The following WBP11 variants were observed in gnomAD, a reference collection of about 807,000 sequenced individuals.
WBP11 encodes the protein WW domain-binding protein 11.
Under a neutral mutation model 66.7 loss-of-function variants are expected in WBP11, and 12 were observed. The ratio of observed to expected loss-of-function variants is 0.18; its 90% CI spans 0.12 to 0.29. WBP11 has a LOEUF of 0.29. WBP11 is among the 10% of genes least tolerant of loss of function. WBP11 has a pLI of 1.00. For missense variants in WBP11, 555 were observed against 818.3 expected, an observed-to-expected ratio of 0.68 and a Z score of 3.93; for synonymous variants, 255 against 273.8, an observed-to-expected ratio of 0.93 and a Z score of 0.68.
intron 11 of WBP11, 117 bp downstream of exon 11, chr12:14,788,834 C>G (rs1949786862): frequency 1.6e-5 from 9 of 558,752 alleles, no homozygotes; most frequent in Non-Finnish European, 2.3e-5. Context: ...AACTTAAAAA[C>G]CACCACTGAC....
chr12:14,788,274 G>A (rs953400187), intron 11 of WBP11, among the ~76,000 whole-genome samples: 2 of 152,052 alleles, frequency 1.3e-5, no homozygotes, highest in Non-Finnish European at 2.9e-5. Flanking sequence ...GTAAGAGAAT[G>A]CAACTAATCA....
chr12:14,793,202 C>A (rs2137233867), intron 8 of WBP11, among the ~76,000 whole-genome samples: 1 of 152,230 alleles, frequency 6.6e-6, no homozygotes, highest in East Asian at 1.9e-4. Flanking sequence ...TGTCAGTACC[C>A]ATTATGATGC....
chr12:14,799,466 T>C (rs1949933232), intron 4 of WBP11, 169 bp downstream of exon 4: 1 of 519,078 alleles, frequency 1.9e-6, no homozygotes, highest in South Asian at 3.5e-5. Context: ...GTCTCCAGTT[T>C]GCAACAGCCC....
Position 14,794,641 on chromosome 12 carries a change from G to C in WBP11, c.617C>G (p.Pro206Arg), listed in dbSNP as rs1314589473. ...CATCTGCACGACTTGAGGAGGAGGT[G>C]GACCAGGGGGAGGGCCAGGAGGTTT... Reference protein sequence around the residue: ...GRKPPGPPPGPPPPQVVQMYG... With the variant: ...GRKPPGPPPGRPPPQVVQMYG... The change falls in exon 7 of 12, where the codon CCA becomes CGA. Residue 206 changes from proline (P) to arginine (R), a missense_variant. By Grantham distance (103) the Pro-to-Arg change is moderately radical. Coordinates refer to ENST00000261167, the MANE Select transcript of WBP11 (RefSeq NM_016312.3). The C allele has an allele frequency of 1.2e-6, 2 of 1,613,742 alleles. No homozygotes were observed. Among genetic ancestry groups the C allele is most frequent in the Admixed American group, 1.7e-5 (1 of 59,978 alleles).
At chr12:14,794,803 A>G (rs1471829687) in intron 6 of WBP11, 67 bp from the exon 7 acceptor site, 4 of 1,531,948 alleles carry the variant, frequency 2.6e-6, no homozygotes, top group African/African-American at 2.8e-5. Context: ...TGAGATATTT[A>G]TTTTCTCTTC....
Position 14,792,251 on chromosome 12 carries a change from G to T in WBP11, c.914-981C>A, listed in dbSNP as rs560436501. Among the ~76,000 whole-genome samples, 8 of 151,210 alleles carry T rather than the reference G, an allele frequency of 5.3e-5. No homozygotes were observed. In the East Asian group the frequency reaches 1.6e-3, roughly 29 times the overall value. ...AAACAAAAAAAGTTACATCCCAACA[G>T]ATACCTAAAAAATATTTATGATTAA... On this transcript the variant is annotated intron_variant, in intron 8 of 11. Coordinates refer to ENST00000261167, the MANE Select transcript of WBP11 (RefSeq NM_016312.3).
rs1205210495 is a variant in WBP11, at chr12:14,786,168, G to GT, written c.*896dup. On this transcript the variant is annotated 3_prime_UTR_variant, in exon 12 of 12. Coordinates refer to ENST00000261167, the MANE Select transcript of WBP11 (RefSeq NM_016312.3). ...TAAAATGACTTTTGCCATTCAACTC[G>GT]TATCAGTTCAAGAAGCTCTGGAATA... The GT allele has an allele frequency of 6.6e-6, 1 of 152,076 alleles. No homozygotes were observed. Among genetic ancestry groups the GT allele is most frequent in the Non-Finnish European group, 1.5e-5 (1 of 68,006 alleles). The allele number at this position is 152,076 out of a possible 1,614,324, so 9.4% of individuals were successfully genotyped here.
chr12:14,797,085 CAT>C, intron 4 of WBP11, 82 bp from the exon 5 acceptor site: 1 of 1,196,346 alleles, frequency 8.4e-7, no homozygotes, highest in Non-Finnish European at 1.1e-6. Flanking sequence ...TAAAAACCTC[CAT>C]ATATGCTAAA....
At position 14,796,914 on chromosome 12, in the gene WBP11, G is replaced by A. The variant is rs1949900423; in HGVS notation, c.280C>T (p.Arg94Ter). ...TCTGGATTCTCTTTTTCATAGAGTC[G>A]TAGAATACGTTCAAAGGTTTCACGC... is the stretch of plus-strand genomic sequence containing the variant. ...KLRETFERIL[R>*]LYEKENPDIY... Residue 94 changes from arginine (R) to a stop codon, truncating the protein, a stop_gained, in exon 5 of 12, where the codon CGA becomes TGA. Transcript: ENST00000261167. LOFTEE classifies it high-confidence loss of function. This position sits in a 1 kb window ranked among gnomAD's most constrained non-coding sequence, Gnocchi z 4.5. The A allele has an allele frequency of 6.2e-7, 1 of 1,611,392 alleles. No homozygotes were observed. Among genetic ancestry groups the A allele is most frequent in the Non-Finnish European group, 8.5e-7 (1 of 1,179,166 alleles).
At chr12:14,798,995 A>G (rs1183835360) in intron 4 of WBP11, among the ~76,000 whole-genome samples, 3 of 152,222 alleles carry the variant, frequency 2.0e-5, no homozygotes, top group African/African-American at 4.8e-5. Context: ...GGCAACATCA[A>G]TGATTTTCAA....
At chr12:14,798,316 TTACC>T (rs1272088500) in intron 4 of WBP11, among the ~76,000 whole-genome samples, 2 of 152,142 alleles carry the variant, frequency 1.3e-5, no homozygotes, top group Non-Finnish European at 2.9e-5. Flanking sequence ...CTGAGTTTTC[TTACC>T]TGTATAATAG....
In WBP11 at chr12:14,793,853, T is replaced by G; in HGVS notation, c.791A>C (p.Gln264Pro). The G allele has an allele frequency of 6.2e-7, 1 of 1,614,058 alleles. No individual in the cohort carries two copies. The highest frequency in any genetic ancestry group is 8.5e-7 in the Non-Finnish European group (1 of 1,179,964). ...ATCAGTACTGTCATCATGCTTATCT[T>G]GATCCATGTCCTCAGGATAGCCATC... ...EDDGYPEDMD[Q>P]DKHDDSTDDS... The change falls in exon 8 of 12, where the codon CAA (glutamine) becomes CCA (proline). Residue 264 changes from glutamine to proline, a missense_variant. Transcript: ENST00000261167.
chr12:14,797,062 A>G (rs1193692327), intron 4 of WBP11, 59 bp from the exon 5 acceptor site: 3 of 1,424,928 alleles, frequency 2.1e-6, no homozygotes, highest in Admixed American at 5.1e-5. Context: ...TTAGGTATCA[A>G]TAGGTTACAT....
intron 10 of WBP11, 146 bp from the exon 11 acceptor site, chr12:14,789,279 T>C: frequency 1.3e-6 from 1 of 795,488 alleles, no homozygotes; most frequent in East Asian, 3.4e-5. Flanking sequence ...GGAAACAGAA[T>C]TCATTCAATA....
chr12:14,790,752 G>A lies in WBP11; in HGVS notation c.1016-3C>T. On this transcript the variant is annotated splice_region_variant and splice_polypyrimidine_tract_variant and intron_variant, in intron 9 of 11. Transcript: ENST00000261167. Reference sequence around the variant, plus strand: ...TCCCTCCTCAGGGATTTCTTGACCTGAAAGAAATTTTAAACCCAGTAAATG... The same window carrying A: ...TCCCTCCTCAGGGATTTCTTGACCTAAAAGAAATTTTAAACCCAGTAAATG... 1 of 1,609,112 alleles carries A rather than the reference G, an allele frequency of 6.2e-7. No homozygotes were observed. Among genetic ancestry groups the A allele is most frequent in the Non-Finnish European group, 8.5e-7 (1 of 1,177,368 alleles).
chr12:14,786,819 T>G lies in WBP11; in HGVS notation c.*246A>C, dbSNP rs1949759073. 5.3e-6 allele frequency: 2 copies of G among 378,484 alleles called. No individual in the cohort carries two copies. Among genetic ancestry groups the G allele is most frequent in the South Asian group, 5.9e-5 (1 of 16,914 alleles). The allele number at this position is 378,484 out of a possible 1,614,324, so 23.4% of individuals were successfully genotyped here. Reference sequence around the variant, plus strand: ...AACTGGAGGAGGGGAAGAAACAGGGTGAAAATGGTGGTATGAAAGGGAATG... The same window carrying G: ...AACTGGAGGAGGGGAAGAAACAGGGGGAAAATGGTGGTATGAAAGGGAATG... On this transcript the variant is annotated 3_prime_UTR_variant, in exon 12 of 12. Coordinates refer to ENST00000261167, the MANE Select transcript of WBP11 (RefSeq NM_016312.3).
At chr12:14,797,454 T>C (rs966688313) in intron 4 of WBP11, among the ~76,000 whole-genome samples, 1 of 152,216 alleles carries the variant, frequency 6.6e-6, no homozygotes, top group African/African-American at 2.4e-5. Context: ...ACAAATAAAA[T>C]ATCCAGTGGT....
chr12:14,790,341 G>T, intron 10 of WBP11, 115 bp downstream of exon 10: 1 of 1,349,414 alleles, frequency 7.4e-7, no homozygotes, highest in Non-Finnish European at 1.0e-6. Context: ...CACATCTTAA[G>T]AGAATCCAAT....
intron 10 of WBP11, among the ~76,000 whole-genome samples, chr12:14,790,244 A>T (rs563670883): frequency 6.6e-6 from 1 of 152,384 alleles, no homozygotes; most frequent in Admixed American, 6.5e-5. Context: ...AGTGCTCTGG[A>T]GAAAAACAGG....
Sources: allele counts gnomAD v4.1 joint callset (sites outside exome capture counted in the v4.1 genomes callset), GRCh38; gene constraint gnomAD v4.1.1; non-coding constraint Gnocchi (gnomAD v3.1); transcripts MANE v1.5; gene names NCBI Gene and HGNC (gene_info 2026-07-23, HGNC 2026-07-21).